MYRIP: variants seen among roughly 807,000 people sequenced by gnomAD.
MYRIP encodes rab effector MyRIP.
A neutral mutation model predicts 98.0 loss-of-function variants in MYRIP; 49 were observed. The observed-to-expected ratio is 0.50, with a 90% CI of 0.40 to 0.63. MYRIP has a LOEUF of 0.63. MYRIP is among the 30% of genes least tolerant of loss of function. The pLI is 0.00. For synonymous variants in MYRIP, 404 were observed against 409.5 expected (o/e 0.99, Z 0.16); for missense variants, 1,004 against 1,058.2 (o/e 0.95, Z 0.71).
At chr3:40,015,039 T>G (rs1408469110) in intron 2 of MYRIP, among the ~76,000 whole-genome samples, 1 of 152,166 alleles carries the variant, frequency 6.6e-6, no homozygotes, top group African/African-American at 2.4e-5. Context: ...TTGCTTTTCC[T>G]AGTGGGGCAA....
chr3:39,881,147 G>A (rs1329784805), intron 1 of MYRIP, among the ~76,000 whole-genome samples: 1 of 151,788 alleles, frequency 6.6e-6, no homozygotes, highest in Non-Finnish European at 1.5e-5. Flanking sequence ...GATAAAATCA[G>A]TATCTTCTGA....
intron 2 of MYRIP, among the ~76,000 whole-genome samples, chr3:40,008,539 G>A (rs1333998759): frequency 6.6e-6 from 1 of 152,158 alleles, no homozygotes; most frequent in Non-Finnish European, 1.5e-5. Flanking sequence ...TGTGGTAGAA[G>A]GAAGAGAGTA....
chr3:40,118,563 A>G (rs892972797), intron 3 of MYRIP, among the ~76,000 whole-genome samples: 8 of 84,654 alleles, frequency 9.5e-5, no homozygotes, highest in Non-Finnish European at 1.4e-4. Flanking sequence ...TTGAAGGTTT[A>G]TTTATTTATT....
chr3:40,167,387 C>A, intron 7 of MYRIP, 148 bp downstream of exon 7: 1 of 732,486 alleles, frequency 1.4e-6, no homozygotes, highest in South Asian at 1.7e-5. Context: ...CCCTGGGGAC[C>A]CATGCAGAGG....
chr3:39,921,846 C>T (rs1944309894), intron 2 of MYRIP, among the ~76,000 whole-genome samples: 1 of 144,960 alleles, frequency 6.9e-6, no homozygotes, highest in Non-Finnish European at 1.5e-5. Flanking sequence ...TGTGCCACTG[C>T]ACTCCAGCCT....
At chr3:39,840,071 T>C (rs1941752003) in intron 1 of MYRIP, among the ~76,000 whole-genome samples, 1 of 152,146 alleles carries the variant, frequency 6.6e-6, no homozygotes, top group South Asian at 2.1e-4. Context: ...GACAGTGGGG[T>C]GTTAAAGTCT....
chr3:40,103,727 C>G (rs979850070), intron 3 of MYRIP, among the ~76,000 whole-genome samples: 1 of 151,948 alleles, frequency 6.6e-6, no homozygotes, highest in African/African-American at 2.4e-5. Flanking sequence ...CCATTGCACT[C>G]CAGCCTGGGC....
chr3:40,160,644 A>G (rs924268734), intron 4 of MYRIP, among the ~76,000 whole-genome samples: 9 of 152,302 alleles, frequency 5.9e-5, no homozygotes, highest in East Asian at 1.9e-4. Flanking sequence ...GCAATCAGCG[A>G]GACTCCGTGG....
At chr3:40,126,835 C>G (rs1252397078) in intron 3 of MYRIP, among the ~76,000 whole-genome samples, 1 of 152,208 alleles carries the variant, frequency 6.6e-6, no homozygotes, top group Non-Finnish European at 1.5e-5. Flanking sequence ...ATGCTAGTAG[C>G]AAGGGCATCC....
intron 2 of MYRIP, among the ~76,000 whole-genome samples, chr3:39,915,188 G>C (rs1201508043): frequency 6.6e-6 from 1 of 151,944 alleles, no homozygotes; most frequent in East Asian, 1.9e-4. Flanking sequence ...ATAAAATCTG[G>C]CTCGTCCTCC....
intron 3 of MYRIP, among the ~76,000 whole-genome samples, chr3:40,137,968 A>G (rs559339170): frequency 3.0e-4 from 46 of 152,066 alleles, no homozygotes; most frequent in Non-Finnish European, 3.8e-4. Context: ...TCATAAATTT[A>G]TTTACATCAT....
chr3:40,218,628 A>ATATATATATATTT (rs1952222498), intron 11 of MYRIP, among the ~76,000 whole-genome samples: 2 of 19,130 alleles, frequency 1.0e-4, no homozygotes, highest in African/African-American at 1.7e-4. Flanking sequence ...ATATATATAT[A>ATATATATATATTT]TATATATATA....
At chr3:39,838,519 T>C (rs1941694649) in intron 1 of MYRIP, among the ~76,000 whole-genome samples, 1 of 152,192 alleles carries the variant, frequency 6.6e-6, no homozygotes, top group South Asian at 2.1e-4. Context: ...GTTTATTGAT[T>C]TGCATATGTT....
intron 2 of MYRIP, among the ~76,000 whole-genome samples, chr3:39,985,010 C>T (rs1184990433): frequency 1.3e-5 from 2 of 149,974 alleles, no homozygotes; most frequent in African/African-American, 2.5e-5. Context: ...TGTTTTTTGG[C>T]TGCATAAATG....
intron 3 of MYRIP, among the ~76,000 whole-genome samples, chr3:40,063,527 T>C (rs1183495858): frequency 6.6e-6 from 1 of 152,240 alleles, no homozygotes; most frequent in Non-Finnish European, 1.5e-5. Flanking sequence ...TCAACAATTT[T>C]CTGGAGAATG....
chr3:40,021,633 CCA>C (rs2125807343), intron 2 of MYRIP, among the ~76,000 whole-genome samples: 1 of 152,214 alleles, frequency 6.6e-6, no homozygotes, highest in African/African-American at 2.4e-5. Flanking sequence ...ATCAGTGTGC[CCA>C]ACAACAGGAA....
chr3:39,997,235 G>A (rs1946383771), intron 2 of MYRIP, among the ~76,000 whole-genome samples: 1 of 152,070 alleles, frequency 6.6e-6, no homozygotes, highest in Non-Finnish European at 1.5e-5. Flanking sequence ...AAAAATCAAT[G>A]AATCTAGGAG....
At chr3:40,253,671 G>A (rs983326545) in intron 16 of MYRIP, among the ~76,000 whole-genome samples, 5 of 152,246 alleles carry the variant, frequency 3.3e-5, no homozygotes, top group Non-Finnish European at 5.9e-5. Context: ...GGATAGCAGC[G>A]CAATCCCATT....
intron 11 of MYRIP, among the ~76,000 whole-genome samples, chr3:40,224,821 C>T (rs775754321): frequency 9.2e-5 from 14 of 152,224 alleles, no homozygotes; most frequent in Non-Finnish European, 1.6e-4. Context: ...ATTACATATG[C>T]TAATTTATTA....
Sources: gnomAD v4.1 joint callset for allele counts (sites outside exome capture counted in the v4.1 genomes callset) on GRCh38, gnomAD v4.1.1 for gene constraint, MANE v1.5 for transcripts, NCBI Gene and HGNC (gene_info 2026-07-23, HGNC 2026-07-21) for gene names.